OTUD7A: variants seen among roughly 807,000 people sequenced by gnomAD.
The protein encoded by OTUD7A is OTU deubiquitinase 7A.
In OTUD7A, 12 loss-of-function variants were observed where a neutral mutation model predicts 65.7. That is an observed-to-expected ratio of 0.18 (90% CI 0.12 to 0.30). OTUD7A has a LOEUF of 0.30. Among genes scored for constraint, OTUD7A ranks in the 10% least tolerant of loss-of-function variants. The pLI is 1.00. For synonymous variants in OTUD7A, 641 were observed against 586.3 expected, an observed-to-expected ratio of 1.09 and a Z score of -1.35; for missense variants, 1,148 against 1,304.8, an observed-to-expected ratio of 0.88 and a Z score of 1.85.
At chr15:31,647,438 A>G (rs1344047941) in intron 3 of OTUD7A, among the ~76,000 whole-genome samples, 2 of 152,250 alleles carry the variant, frequency 1.3e-5, no homozygotes, top group Non-Finnish European at 2.9e-5. Flanking sequence ...AAGTCCACAA[A>G]GTTCCACAGG....
intron 6 of OTUD7A, among the ~76,000 whole-genome samples, chr15:31,528,073 G>C (rs1390367307): frequency 6.6e-6 from 1 of 152,254 alleles, no homozygotes; most frequent in Non-Finnish European, 1.5e-5. Flanking sequence ...ACTCATTCTA[G>C]GTGCTGGGAA....
intron 1 of OTUD7A, among the ~76,000 whole-genome samples, chr15:31,869,986 C>G (rs1464175838): frequency 6.6e-6 from 1 of 151,920 alleles, no homozygotes; most frequent in East Asian, 1.9e-4. Flanking sequence ...GCGAGCGGGA[C>G]GGCGGTGCGC....
At chr15:31,515,594 C>G (rs559717169) in intron 8 of OTUD7A, among the ~76,000 whole-genome samples, 1 of 151,332 alleles carries the variant, frequency 6.6e-6, no homozygotes, top group African/African-American at 2.4e-5. Context: ...ATCCATTCAT[C>G]CATCTATCCA....
At chr15:31,858,511 G>A (rs903656243) in intron 1 of OTUD7A, among the ~76,000 whole-genome samples, 1 of 152,172 alleles carries the variant, frequency 6.6e-6, no homozygotes, top group Non-Finnish European at 1.5e-5. Flanking sequence ...CAGGGCAGCA[G>A]GAATAGTTAA....
chr15:31,549,099 G>A (rs1014513268), intron 5 of OTUD7A, among the ~76,000 whole-genome samples: 3 of 145,992 alleles, frequency 2.1e-5, no homozygotes, highest in Non-Finnish European at 4.5e-5. Context: ...TCGTGCCACT[G>A]CACTCCAGCC....
intron 1 of OTUD7A, among the ~76,000 whole-genome samples, chr15:31,700,597 C>T (rs1206583804): frequency 6.6e-6 from 1 of 152,144 alleles, no homozygotes; most frequent in African/African-American, 2.4e-5. Flanking sequence ...ACCTCTTCTC[C>T]CCAATTCGGG....
chr15:31,866,263 C>T (rs1034729588), intron 1 of OTUD7A, among the ~76,000 whole-genome samples: 2 of 152,198 alleles, frequency 1.3e-5, no homozygotes, highest in South Asian at 2.1e-4. Context: ...ACCTAGAGCA[C>T]GACAGGCCAG....
intron 1 of OTUD7A, chr15:31,765,913 G>A: frequency 7.9e-7 from 1 of 1,271,970 alleles, no homozygotes; most frequent in East Asian, 2.3e-5. Context: ...TTCTCCTTTA[G>A]AGGTAAAGTC....
chr15:31,588,354 T>A (rs1174635495), intron 3 of OTUD7A, among the ~76,000 whole-genome samples: 1 of 152,134 alleles, frequency 6.6e-6, no homozygotes, highest in South Asian at 2.1e-4. Context: ...GGTGCAGACA[T>A]GCATGGCAAC....
intron 1 of OTUD7A, among the ~76,000 whole-genome samples, chr15:31,791,249 T>C (rs1895806347): frequency 6.6e-6 from 1 of 152,066 alleles, no homozygotes; most frequent in African/African-American, 2.4e-5. Context: ...ATGGTCTTGA[T>C]CTCTTGACCT....
chr15:31,510,609 TAC>T (rs1491175604), intron 8 of OTUD7A, among the ~76,000 whole-genome samples: 213 of 17,716 alleles, frequency 0.012, 11 homozygotes, highest in Non-Finnish European at 0.021. Flanking sequence ...ATATGTAACA[TAC>T]ATATGTATAT....
chr15:31,729,119 C>T (rs1163192716), intron 1 of OTUD7A, among the ~76,000 whole-genome samples: 1 of 152,008 alleles, frequency 6.6e-6, no homozygotes, highest in Non-Finnish European at 1.5e-5. Context: ...CTTACTATAC[C>T]TAATTTATAA....
Position 31,511,112 on chromosome 15 carries a change from A to G in OTUD7A, c.894-7294T>C, listed in dbSNP as rs550977483. Among the ~76,000 whole-genome samples, 111 of 37,560 alleles carry G rather than the reference A, an allele frequency of 3.0e-3. 38 individuals carry two copies. The highest frequency in any genetic ancestry group is 4.1e-3 in the Non-Finnish European group (93 of 22,596). 24.6% of individuals were successfully genotyped at this position (37,560 alleles called of 152,430 possible). The stretch of plus-strand genomic sequence containing the variant: ...AACATACATATGTATATCTATATGT[A>G]ACATACATATGTATATCTATATGTA... On this transcript the variant is annotated intron_variant, in intron 8 of 12. Coordinates refer to ENST00000307050, the MANE Select transcript of OTUD7A (RefSeq NM_001382637.1).
At chr15:31,801,663 T>C (rs1037821767) in intron 1 of OTUD7A, among the ~76,000 whole-genome samples, 2 of 152,234 alleles carry the variant, frequency 1.3e-5, no homozygotes, top group Non-Finnish European at 2.9e-5. Flanking sequence ...CATTTCTACA[T>C]TGTGCTGTGT....
intron 1 of OTUD7A, among the ~76,000 whole-genome samples, chr15:31,681,625 TTC>T: frequency 6.8e-6 from 1 of 147,880 alleles, no homozygotes. Flanking sequence ...CTCTATACCT[TTC>T]TGTCTGACTG....
intron 5 of OTUD7A, among the ~76,000 whole-genome samples, chr15:31,540,123 A>T (rs1887941069): frequency 6.6e-6 from 1 of 152,184 alleles, no homozygotes. Flanking sequence ...GTTTGGTTAT[A>T]ATTTTCAATT....
At chr15:31,860,430 T>C (rs571321435) in intron 1 of OTUD7A, among the ~76,000 whole-genome samples, 1 of 151,756 alleles carries the variant, frequency 6.6e-6, no homozygotes, top group South Asian at 2.1e-4. Context: ...CATAGAGCTA[T>C]TAAATGCATT....
chr15:31,488,031 G>A (rs1386766255), intron 10 of OTUD7A, among the ~76,000 whole-genome samples: 1 of 152,204 alleles, frequency 6.6e-6, no homozygotes, highest in South Asian at 2.1e-4. Context: ...TGTGCCACAA[G>A]TCTGTATCAG....
chr15:31,853,828 C>T lies in OTUD7A; in HGVS notation c.-100+16679G>A, dbSNP rs973270917. On this transcript the variant is annotated intron_variant, in intron 1 of 12. Transcript: ENST00000307050. ...CCCTGGCTTCACCCTCATCCTTCTTCTTCAACAAAGACCTGACCCCATTCA... is the reference window on the plus strand; with the variant it reads ...CCCTGGCTTCACCCTCATCCTTCTTTTTCAACAAAGACCTGACCCCATTCA... Among the ~76,000 whole-genome samples, 4 of 152,302 alleles carry T rather than the reference C, an allele frequency of 2.6e-5. No homozygotes were observed. The South Asian group carries it at 8.3e-4, about 32-fold the overall frequency.
Sources: gnomAD v4.1 joint callset for allele counts (sites outside exome capture counted in the v4.1 genomes callset) on GRCh38, gnomAD v4.1.1 for gene constraint, MANE v1.5 for transcripts, NCBI Gene and HGNC (gene_info 2026-07-23, HGNC 2026-07-21) for gene names.